METTL21A: variants seen among roughly 807,000 people sequenced by gnomAD.
METTL21A encodes the protein methyltransferase 21A, HSPA lysine.
In METTL21A, 22 loss-of-function variants were observed where a neutral mutation model predicts 20.9. That is an observed-to-expected ratio of 1.05 (90% CI 0.75 to 1.50). METTL21A has a LOEUF of 1.50. METTL21A is among the 40% of genes most tolerant of loss of function. METTL21A has a pLI of 0.00. For missense variants in METTL21A, 271 were observed against 266.8 expected (o/e 1.02, Z -0.11); for synonymous variants, 93 against 102.0 (o/e 0.91, Z 0.53).
chr2:207,588,179 A>AT (rs1289659386), intron 3 of METTL21A, among the ~76,000 whole-genome samples: 1 of 152,192 alleles, frequency 6.6e-6, no homozygotes, highest in African/African-American at 2.4e-5. Context: ...TTAGAGTTTT[A>AT]TATTTAGATC....
At chr2:207,607,313 C>G (rs546903980), downstream of METTL21A, among the ~76,000 whole-genome samples, 4 of 152,134 alleles carry the variant, frequency 2.6e-5, no homozygotes, top group African/African-American at 9.6e-5. Context: ...CGCCTGAACC[C>G]AGGCAGAGGC....
chr2:207,603,385 T>G (rs886811765), intron 3 of METTL21A: 3 of 224,620 alleles, frequency 1.3e-5, no homozygotes, highest in African/African-American at 6.7e-5. Flanking sequence ...ATGCTCTTTT[T>G]ACACAAACAT....
chr2:207,585,492 A>G (rs975583130), intron 3 of METTL21A, among the ~76,000 whole-genome samples: 1 of 152,240 alleles, frequency 6.6e-6, no homozygotes, highest in Non-Finnish European at 1.5e-5. Flanking sequence ...TTGCACAGAT[A>G]TCAAGATAAG....
At chr2:207,595,946 T>A (rs1210963243) in intron 3 of METTL21A, among the ~76,000 whole-genome samples, 2 of 152,210 alleles carry the variant, frequency 1.3e-5, no homozygotes, top group African/African-American at 4.8e-5. Context: ...TTTTCACTAT[T>A]TATTGTCTTT....
chr2:207,583,126 A>T (rs1347017908), intron 3 of METTL21A, among the ~76,000 whole-genome samples: 1 of 152,114 alleles, frequency 6.6e-6, no homozygotes, highest in Non-Finnish European at 1.5e-5. Context: ...TAAATATTAT[A>T]AGTAATCTAG....
chr2:207,623,981 A>T (rs987727860), intron 2 of METTL21A, among the ~76,000 whole-genome samples: 1 of 152,190 alleles, frequency 6.6e-6, no homozygotes, highest in African/African-American at 2.4e-5. Context: ...GAGGGACAAG[A>T]GGAGTGACTA....
chr2:207,596,595 C>T (rs977784692), intron 3 of METTL21A, among the ~76,000 whole-genome samples: 2 of 152,096 alleles, frequency 1.3e-5, no homozygotes, highest in Non-Finnish European at 2.9e-5. Context: ...CGCCACACCC[C>T]GCTAATTTTT....
chr2:207,586,251 G>T (rs970859495), intron 3 of METTL21A, among the ~76,000 whole-genome samples: 1 of 152,074 alleles, frequency 6.6e-6, no homozygotes, highest in Non-Finnish European at 1.5e-5. Context: ...TAGACCAGTG[G>T]AACAGAATAA....
At chr2:207,597,120 A>G (rs2086309633) in intron 3 of METTL21A, 1 of 1,483,552 alleles carries the variant, frequency 6.7e-7, no homozygotes, top group African/African-American at 1.5e-5. Flanking sequence ...ACAACCTGAA[A>G]GACAAAATAA....
At position 207,599,400 on chromosome 2, in the gene METTL21A, GT is replaced by G. The variant is rs2086677014; in HGVS notation, c.260-17241del. 3 of 204,102 alleles carry G rather than the reference GT, an allele frequency of 1.5e-5. No homozygotes were observed. In the East Asian group the frequency reaches 2.3e-4, roughly 15 times the overall value. 12.6% of individuals were successfully genotyped at this position (204,102 alleles called of 1,614,324 possible). On this transcript the variant is annotated intron_variant, in intron 3 of 3. Coordinates refer to the METTL21A transcript ENST00000425132. ...ATGAAAAATTGCCTGATGTTTAGCA[GT>G]TTGTATTCTCTAAAGCTTTTTTTCA...
downstream of METTL21A, among the ~76,000 whole-genome samples, chr2:207,606,370 T>G (rs563842308): frequency 5.7e-4 from 87 of 152,158 alleles, no homozygotes; most frequent in Non-Finnish European, 9.4e-4. Context: ...TAATCCCAGC[T>G]ACTCGGGAGG....
At chr2:207,622,015 G>T in intron 2 of METTL21A, 98 bp from the exon 3 acceptor site, 1 of 993,014 alleles carries the variant, frequency 1.0e-6, no homozygotes. Flanking sequence ...CCCACTTCGA[G>T]GTTCAATTCC....
chr2:207,594,742 G>A (rs1218115951), intron 3 of METTL21A, among the ~76,000 whole-genome samples: 1 of 152,034 alleles, frequency 6.6e-6, no homozygotes, highest in Non-Finnish European at 1.5e-5. Context: ...GCAAAAAGTG[G>A]GATTGCTGGA....
intron 2 of METTL21A, 151 bp from the exon 3 acceptor site, chr2:207,622,068 T>A (rs1469595002): frequency 1.5e-6 from 1 of 678,680 alleles, no homozygotes; most frequent in Non-Finnish European, 2.6e-6. Context: ...TGCAGCAAGG[T>A]AACCTCCCCC....
chr2:207,605,532 AAAG>A (rs1020573410), downstream of METTL21A, among the ~76,000 whole-genome samples: 9 of 152,172 alleles, frequency 5.9e-5, no homozygotes, highest in African/African-American at 1.4e-4. Context: ...CTTCTAAAAA[AAAG>A]AAACATGGAA....
intron 3 of METTL21A, among the ~76,000 whole-genome samples, chr2:207,590,939 T>C (rs904707835): frequency 6.6e-6 from 1 of 152,248 alleles, no homozygotes; most frequent in African/African-American, 2.4e-5. Context: ...TGCATTCAGT[T>C]TAAAAATTTT....
At chr2:207,624,366 C>T (rs924619831) in exon 2 of METTL21A, 16 of 1,612,960 alleles carry the variant, frequency 9.9e-6, no homozygotes, top group Non-Finnish European at 1.3e-5. Flanking sequence ...TCATAGGGCA[C>T]GAGGGCCATT....
chr2:207,598,388 AAC>A (rs1277636860), intron 3 of METTL21A: 4 of 183,238 alleles, frequency 2.2e-5, no homozygotes, highest in Non-Finnish European at 4.6e-5. Flanking sequence ...TCCTGATTAA[AAC>A]AGTCTGTATT....
chr2:207,602,365 G>C (rs1345674121), intron 3 of METTL21A: 1 of 202,006 alleles, frequency 5.0e-6, no homozygotes, highest in Non-Finnish European at 1.0e-5. Flanking sequence ...GCAGGTCCCA[G>C]CTGGGTATGA....
Sources: gnomAD v4.1 joint callset for allele counts (sites outside exome capture counted in the v4.1 genomes callset) on GRCh38, gnomAD v4.1.1 for gene constraint, MANE v1.5 for transcripts, NCBI Gene and HGNC (gene_info 2026-07-23, HGNC 2026-07-21) for gene names.